SNX6: variants seen among roughly 807,000 people sequenced by gnomAD.
SNX6 encodes the protein sorting nexin 6.
Under a neutral mutation model 63.0 loss-of-function variants are expected in SNX6, and 34 were observed. The observed-to-expected ratio is 0.54, with a 90% CI of 0.41 to 0.72. The LOEUF is 0.72. Ranked by LOEUF, SNX6 falls within the 30% of genes least tolerant of loss-of-function variation. The pLI, the probability that SNX6 is intolerant of heterozygous loss-of-function variation, is 0.00. For missense variants in SNX6, 398 were observed against 471.4 expected, an observed-to-expected ratio of 0.84 and a Z score of 1.44; for synonymous variants, 170 against 164.2, an observed-to-expected ratio of 1.04 and a Z score of -0.27.
At chr14:34,598,273 T>G (rs762976624) in intron 6 of SNX6, among the ~76,000 whole-genome samples, 12 of 152,168 alleles carry the variant, frequency 7.9e-5, no homozygotes, top group African/African-American at 1.2e-4. Flanking sequence ...AAAGGAGCAA[T>G]TCATCTAATT....
intron 2 of SNX6, among the ~76,000 whole-genome samples, chr14:34,624,110 CT>C (rs67945891): frequency 5.3e-5 from 8 of 151,010 alleles, no homozygotes; most frequent in Non-Finnish European, 1.0e-4. Context: ...CAATATTTTC[CT>C]TTTTTTTTGA....
Position 34,593,086 on chromosome 14 carries a change from T to G in SNX6, c.677A>C (p.Asp226Ala). 1 of 1,609,888 alleles carries G rather than the reference T, an allele frequency of 6.2e-7. No individual in the cohort carries two copies. Among genetic ancestry groups the G allele is most frequent in the East Asian group, 2.2e-5 (1 of 44,758 alleles). The change falls in exon 8 of 14, where the codon GAT becomes GCT. Residue 226 changes from aspartate (D) to alanine (A), a missense_variant. Transcript: ENST00000362031. ...FLLEYHNRVKDASAKSDRMTR... is the reference protein window; with the variant it reads ...FLLEYHNRVKAASAKSDRMTR... ...CATTCTATCAGATTTAGCAGATGCATCCTTAACTCGGTTATGATACTCCAA... is the reference window on the plus strand; with the variant it reads ...CATTCTATCAGATTTAGCAGATGCAGCCTTAACTCGGTTATGATACTCCAA...
In SNX6 at chr14:34,602,425, T is replaced by C. The variant is rs1283234425; in HGVS notation, c.516+923A>G. On this transcript the variant is annotated intron_variant, in intron 6 of 13. Coordinates refer to ENST00000362031, the MANE Select transcript of SNX6 (RefSeq NM_152233.4). ...TTGGGAAACAAGAGCGAAACTGTCT[T>C]AAAAAAAAAAAAAAAATTAGCTGGG... Among the ~76,000 whole-genome samples, 6 of 138,604 alleles carry C rather than the reference T, an allele frequency of 4.3e-5. No homozygotes were observed. The Admixed American group carries it at 4.4e-4, about 10-fold the overall frequency. 90.9% of individuals were successfully genotyped at this position (138,604 alleles called of 152,430 possible).
intron 8 of SNX6, among the ~76,000 whole-genome samples, chr14:34,589,843 A>G (rs2138313850): frequency 6.6e-6 from 1 of 151,552 alleles, no homozygotes; most frequent in Non-Finnish European, 1.5e-5. Flanking sequence ...AAAAAAATGG[A>G]GTCTGGTGGC....
intron 9 of SNX6, among the ~76,000 whole-genome samples, chr14:34,582,294 G>T (rs1157471964): frequency 6.6e-6 from 1 of 151,780 alleles, no homozygotes; most frequent in African/African-American, 2.4e-5. Flanking sequence ...CCCATGCCTG[G>T]CTAACTTTTG....
intron 7 of SNX6, among the ~76,000 whole-genome samples, chr14:34,593,722 C>T (rs866938115): frequency 1.4e-5 from 2 of 146,518 alleles, no homozygotes; most frequent in Admixed American, 7.1e-5. Context: ...CAGGCAAGCG[C>T]CACCACGCCC....
intron 2 of SNX6, among the ~76,000 whole-genome samples, chr14:34,614,850 AGCTATGATG>A (rs1883359683): frequency 6.6e-6 from 1 of 152,180 alleles, no homozygotes; most frequent in African/African-American, 2.4e-5. Flanking sequence ...GGTTGCAGTG[AGCTATGATG>A]GCACCACTGC....
At chr14:34,601,047 G>A (rs548370352) in intron 6 of SNX6, among the ~76,000 whole-genome samples, 1 of 151,926 alleles carries the variant, frequency 6.6e-6, no homozygotes, top group African/African-American at 2.4e-5. Flanking sequence ...AGGCAGGGAA[G>A]GAAAAAATAA....
intron 2 of SNX6, among the ~76,000 whole-genome samples, chr14:34,611,495 G>A (rs115772589): frequency 2.0e-5 from 3 of 151,230 alleles, no homozygotes; most frequent in Admixed American, 6.6e-5. Flanking sequence ...AAAAAAAAAG[G>A]GGGGGAGGCC....
At chr14:34,577,063 C>A (rs995114679) in intron 10 of SNX6, among the ~76,000 whole-genome samples, 5 of 151,456 alleles carry the variant, frequency 3.3e-5, no homozygotes, top group Non-Finnish European at 7.4e-5. Flanking sequence ...AAACAAAAAA[C>A]AAAACAAAAA....
rs749317511 is a variant in SNX6 at position 34,608,118 on chromosome 14, T to G, written c.182A>C (p.Gln61Pro). 8.1e-6 allele frequency: 13 copies of G among 1,605,414 alleles called. No homozygotes were observed. The highest frequency in any genetic ancestry group is 1.1e-5 in the Non-Finnish European group (13 of 1,175,604). ...TTGCCGAACAACTGAAAACTCGTTT[T>G]GTTTAAAATTTGGCAATGAACTCTG... ...HTKSSLPNFK[Q>P]NEFSVVRQHE... Residue 61 changes from glutamine (Q) to proline (P), a missense_variant, in exon 4 of 14, where the codon CAA becomes CCA. Coordinates refer to ENST00000362031, the MANE Select transcript of SNX6 (RefSeq NM_152233.4).
intron 8 of SNX6, 85 bp downstream of exon 8, chr14:34,592,960 T>C (rs12435717): frequency 0.42 from 397,547 of 944,414 alleles, 89,348 homozygotes; most frequent in East Asian, 0.73. Context: ...ACTACTGCTC[T>C]ATATTAAGAC....
At chr14:34,571,957 A>G (rs1881469926) in intron 11 of SNX6, among the ~76,000 whole-genome samples, 1 of 152,124 alleles carries the variant, frequency 6.6e-6, no homozygotes, top group Non-Finnish European at 1.5e-5. Flanking sequence ...CTCCCAAAGG[A>G]TAACAGGGGT....
At chr14:34,574,410 G>A (rs368823418) in intron 11 of SNX6, among the ~76,000 whole-genome samples, 20 of 151,150 alleles carry the variant, frequency 1.3e-4, no homozygotes, top group African/African-American at 4.9e-4. Context: ...AGCACTTTGG[G>A]AGGCCAAGGC....
At chr14:34,592,999 A>G (rs1882457942) in intron 8 of SNX6, 46 bp downstream of exon 8, 1 of 1,262,612 alleles carries the variant, frequency 7.9e-7, no homozygotes, top group African/African-American at 1.5e-5. Flanking sequence ...GAACTTTATA[A>G]TTATTCCATT....
At chr14:34,595,978 G>A (rs1162749021) in intron 7 of SNX6, among the ~76,000 whole-genome samples, 3 of 152,108 alleles carry the variant, frequency 2.0e-5, no homozygotes, top group South Asian at 2.1e-4. Flanking sequence ...CCAGCACTTT[G>A]GGAGGCCAAG....
Position 34,581,547 on chromosome 14 carries a change from A to T in SNX6, c.834+14T>A. On this transcript the variant is annotated intron_variant, in intron 10 of 13. Coordinates refer to ENST00000362031, the MANE Select transcript of SNX6 (RefSeq NM_152233.4). ...ACAATATTATGCAGTATATCTCTAT[A>T]ATTTAGTACTTACTCTTGTTTTATC... 1 of 1,387,344 alleles carries T rather than the reference A, an allele frequency of 7.2e-7. No homozygotes were observed. The highest frequency in any genetic ancestry group is 1.0e-6 in the Non-Finnish European group (1 of 984,714). 85.9% of individuals were successfully genotyped at this position (1,387,344 alleles called of 1,614,324 possible). A position where few individuals can be genotyped will look rare whatever the true frequency, so the allele number is the denominator to read the frequency against.
intron 11 of SNX6, among the ~76,000 whole-genome samples, chr14:34,574,055 C>T (rs563050938): frequency 5.9e-5 from 9 of 151,348 alleles, no homozygotes; most frequent in African/African-American, 9.7e-5. Context: ...AATCCTTTTG[C>T]GGCCGGGTGT....
chr14:34,619,702 T>C (rs1883555555), intron 2 of SNX6, among the ~76,000 whole-genome samples: 1 of 152,032 alleles, frequency 6.6e-6, no homozygotes, highest in Non-Finnish European at 1.5e-5. Context: ...CAATGTAACC[T>C]CATCAACACC....
Sources: allele counts gnomAD v4.1 joint callset (sites outside exome capture counted in the v4.1 genomes callset), GRCh38; gene constraint gnomAD v4.1.1; transcripts MANE v1.5; gene names NCBI Gene and HGNC (gene_info 2026-07-23, HGNC 2026-07-21).